The following BCHE variants were observed in gnomAD, a reference collection of about 807,000 sequenced individuals.
The protein encoded by BCHE is cholinesterase.
A neutral mutation model predicts 51.3 loss-of-function variants in BCHE; 48 were observed. The observed-to-expected ratio is 0.94, with a 90% CI of 0.74 to 1.19. The LOEUF (loss-of-function observed/expected upper bound fraction) is 1.19. BCHE is among the 50% of genes most tolerant of loss of function. BCHE has a pLI of 0.00. For missense variants in BCHE, 847 were observed against 708.2 expected (o/e 1.20, Z -2.23); for synonymous variants, 251 against 238.0 (o/e 1.05, Z -0.50).
rs181950513 is a variant in BCHE, at chr3:165,779,108, T to C, written c.1685-5602A>G. Among the ~76,000 whole-genome samples the C allele has an allele frequency of 2.1e-3, 317 of 152,298 alleles. 1 individual carries two copies. The highest frequency in any genetic ancestry group is 7.0e-3 in the African/African-American group (290 of 41,568). ...ATACCAGCATTACTCATACTGATTG[T>C]AATTTTGACAACATATTAATCTCGT... On this transcript the variant is annotated intron_variant, in intron 3 of 3. Transcript: ENST00000264381.
rs565619159 is a variant in BCHE, at chr3:165,828,996, C to A, written c.1517+521G>T. The stretch of plus-strand genomic sequence containing the variant: ...AGGCCTATTAGGAAAAAAAGAAAAA[C>A]CAAACAATACAATGGCAAATGTATA... On this transcript the variant is annotated intron_variant, in intron 2 of 3. Transcript: ENST00000264381. Among the ~76,000 whole-genome samples, 8 of 152,148 alleles carry A rather than the reference C, an allele frequency of 5.3e-5. No individual in the cohort carries two copies. In the East Asian group the frequency reaches 9.7e-4, roughly 18 times the overall value.
intron 2 of BCHE, among the ~76,000 whole-genome samples, chr3:165,826,347 G>A (rs533975380): frequency 3.3e-5 from 5 of 152,174 alleles, no homozygotes; most frequent in Admixed American, 2.6e-4. Flanking sequence ...ATACAACACA[G>A]ATGAATTGCA....
intron 2 of BCHE, among the ~76,000 whole-genome samples, chr3:165,825,695 C>T (rs2108231547): frequency 6.6e-6 from 1 of 152,096 alleles, no homozygotes; most frequent in Admixed American, 6.6e-5. Context: ...AATGCTATCC[C>T]TCCCCGCTCA....
At chr3:165,827,335 C>A (rs755006614) in intron 2 of BCHE, among the ~76,000 whole-genome samples, 1 of 151,800 alleles carries the variant, frequency 6.6e-6, no homozygotes, top group Non-Finnish European at 1.5e-5. Context: ...TACAGTTTAA[C>A]TCTTTATAGC....
chr3:165,779,845 A>C lies in BCHE; in HGVS notation c.1684+6300T>G, dbSNP rs185910740. 2.7e-4 allele frequency among the ~76,000 whole-genome samples: 41 copies of C among 152,318 alleles called. No individual in the cohort carries two copies. The East Asian group carries it at 7.7e-3, about 29-fold the overall frequency. ...GAAAATGGCCATACTGCCCAAATTA[A>C]TTTATAGATTCAATGCTATTCCCAT... On this transcript the variant is annotated intron_variant, in intron 3 of 3. Coordinates refer to ENST00000264381, the MANE Select transcript of BCHE (RefSeq NM_000055.4).
intron 3 of BCHE, chr3:165,778,471 TA>T: frequency 4.6e-6 from 1 of 218,766 alleles, no homozygotes; most frequent in Admixed American, 4.2e-5. Flanking sequence ...GTTTCTCATT[TA>T]AAATTACTAA....
chr3:165,775,608 C>A (rs545552771), intron 3 of BCHE, among the ~76,000 whole-genome samples: 1 of 151,342 alleles, frequency 6.6e-6, no homozygotes, highest in Non-Finnish European at 1.5e-5. Context: ...AGAAAGAGTC[C>A]TAGATCTGAT....
intron 2 of BCHE, among the ~76,000 whole-genome samples, chr3:165,790,528 T>C (rs1713127164): frequency 6.6e-6 from 1 of 152,186 alleles, no homozygotes; most frequent in Non-Finnish European, 1.5e-5. Flanking sequence ...TTCTGAGTTA[T>C]AAAATCTGAC....
At position 165,836,271 on chromosome 3, in the gene BCHE, C is replaced by G. The variant is rs543462821; in HGVS notation, c.-9+1043G>C. 1.3e-4 allele frequency among the ~76,000 whole-genome samples: 20 copies of G among 151,966 alleles called. No individual in the cohort carries two copies. The East Asian group carries it at 3.9e-3, about 29-fold the overall frequency. ...AAGATTTTTATTCAAATGTTAAAGTCACACTTTAAAAGCTCACGCTTATCC... is the reference window on the plus strand; with the variant it reads ...AAGATTTTTATTCAAATGTTAAAGTGACACTTTAAAAGCTCACGCTTATCC... On this transcript the variant is annotated intron_variant, in intron 1 of 3. Coordinates refer to ENST00000264381, the MANE Select transcript of BCHE (RefSeq NM_000055.4).
intron 3 of BCHE, chr3:165,778,823 A>T (rs1217073288): frequency 6.2e-6 from 2 of 320,938 alleles, no homozygotes; most frequent in Non-Finnish European, 1.4e-5. Flanking sequence ...TATACATCTG[A>T]TAAGATGTCC....
intron 2 of BCHE, among the ~76,000 whole-genome samples, chr3:165,806,363 G>C (rs1218465925): frequency 6.6e-6 from 1 of 152,082 alleles, no homozygotes; most frequent in Non-Finnish European, 1.5e-5. Context: ...TTCTAAGACT[G>C]GACTGAGTTT....
chr3:165,794,653 C>T (rs1265582246), intron 2 of BCHE, among the ~76,000 whole-genome samples: 1 of 152,088 alleles, frequency 6.6e-6, no homozygotes. Context: ...TTCCCAAGGC[C>T]CAACCTCCTA....
chr3:165,783,386 C>G (rs983464502), intron 3 of BCHE, among the ~76,000 whole-genome samples: 1 of 152,080 alleles, frequency 6.6e-6, no homozygotes, highest in Admixed American at 6.6e-5. Flanking sequence ...TTCGAAGCCA[C>G]TTGTTTATTT....
In BCHE at chr3:165,784,360, C is replaced by T. The variant is rs541624249; in HGVS notation, c.1684+1785G>A. ...TTTTATTACTAGTGAATACATGTTACAATAATTGTATCGTGCATTTACTTC... is the reference window on the plus strand; with the variant it reads ...TTTTATTACTAGTGAATACATGTTATAATAATTGTATCGTGCATTTACTTC... On this transcript the variant is annotated intron_variant, in intron 3 of 3. Transcript: ENST00000264381. 3.3e-5 allele frequency among the ~76,000 whole-genome samples: 5 copies of T among 151,896 alleles called. No individual in the cohort carries two copies. The East Asian group carries it at 7.7e-4, about 23-fold the overall frequency.
intron 2 of BCHE, among the ~76,000 whole-genome samples, chr3:165,786,607 C>T (rs1712964513): frequency 6.6e-6 from 1 of 151,706 alleles, no homozygotes; most frequent in African/African-American, 2.4e-5. Context: ...TCTTCATTCA[C>T]ACTTAAACGT....
Position 165,814,392 on chromosome 3 carries a change from T to C in BCHE, c.1517+15125A>G, listed in dbSNP as rs1576859847. ...AATAAAATAAATGCAAATACATAGT[T>C]ATAGCTTTAGAGATTCAGGTTAAAG... On this transcript the variant is annotated intron_variant, in intron 2 of 3. Coordinates refer to ENST00000264381, the MANE Select transcript of BCHE (RefSeq NM_000055.4). 3.3e-5 allele frequency among the ~76,000 whole-genome samples: 5 copies of C among 152,244 alleles called. 1 individual carries two copies. The South Asian group carries it at 1.0e-3, about 32-fold the overall frequency.
intron 2 of BCHE, among the ~76,000 whole-genome samples, chr3:165,795,714 A>G (rs1713349918): frequency 6.6e-6 from 1 of 152,148 alleles, no homozygotes; most frequent in Admixed American, 6.5e-5. Context: ...CAAGGTACCT[A>G]GAGGGACAGG....
rs1203231576 is a variant in BCHE at position 165,830,422 on chromosome 3, C to T, written c.612G>A (p.Gln204=). The change falls in exon 2 of 4, where the codon CAG becomes CAA. Residue 204 remains glutamine (Q), a synonymous_variant. Transcript: ENST00000264381. ...AGGCTGCTATATTTTTTTGAACCCA[C>T]TGAAGAGCCAACTGTTGATCAAATA... ...MGLFDQQLAL[Q]WVQKNIAAFG... The T allele has an allele frequency of 8.7e-6, 14 of 1,613,732 alleles. No homozygotes were observed. The highest frequency in any genetic ancestry group is 1.2e-5 in the Non-Finnish European group (14 of 1,179,906).
At chr3:165,836,272 A>G (rs1015417456) in intron 1 of BCHE, among the ~76,000 whole-genome samples, 9 of 152,096 alleles carry the variant, frequency 5.9e-5, no homozygotes, top group Admixed American at 5.9e-4. Flanking sequence ...TGTTAAAGTC[A>G]CACTTTAAAA....
Sources: allele counts gnomAD v4.1 joint callset (sites outside exome capture counted in the v4.1 genomes callset), GRCh38; gene constraint gnomAD v4.1.1; transcripts MANE v1.5; gene names NCBI Gene and HGNC (gene_info 2026-07-23, HGNC 2026-07-21).